The following SVEP1 variants were observed in gnomAD, a reference collection of about 807,000 sequenced individuals.
SVEP1 encodes the protein sushi, von Willebrand factor type A, EGF and pentraxin domain-containing protein 1.
In SVEP1, 164 loss-of-function variants were observed where a neutral mutation model predicts 367.3. That is an observed-to-expected ratio of 0.45 (90% CI 0.39 to 0.51). The LOEUF is 0.51. SVEP1 is among the 20% of genes least tolerant of loss of function. The pLI is 0.00. For missense variants in SVEP1, 4,117 were observed against 4,425.3 expected (o/e 0.93, Z 1.98); for synonymous variants, 1,666 against 1,611.6 (o/e 1.03, Z -0.81).
In SVEP1 at chr9:110,513,121, A is replaced by G; in HGVS notation, c.1124-16T>C. ...CAGTGGACAACTAACATTTACAAAAATAAAATTGAAAAGCAAAGTTAGCCT... is the reference window on the plus strand; with the variant it reads ...CAGTGGACAACTAACATTTACAAAAGTAAAATTGAAAAGCAAAGTTAGCCT... On this transcript the variant is annotated splice_polypyrimidine_tract_variant and intron_variant, in intron 4 of 47. Transcript: ENST00000374469. 1 of 1,587,628 alleles carries G rather than the reference A, an allele frequency of 6.3e-7. No homozygotes were observed. The highest frequency in any genetic ancestry group is 8.6e-7 in the Non-Finnish European group (1 of 1,168,080).
At chr9:110,569,448 C>T (rs1429694000) in intron 1 of SVEP1, among the ~76,000 whole-genome samples, 2 of 116,660 alleles carry the variant, frequency 1.7e-5, no homozygotes, top group South Asian at 2.7e-4. Flanking sequence ...AAGAGTGAAA[C>T]TCAGTCTCAA....
At chr9:110,526,568 T>A (rs1392952487) in intron 3 of SVEP1, among the ~76,000 whole-genome samples, 1 of 152,290 alleles carries the variant, frequency 6.6e-6, no homozygotes, top group East Asian at 1.9e-4. Flanking sequence ...GGATCACTCA[T>A]ACATTTCTGA....
At chr9:110,405,913 T>C (rs961785436) in intron 38 of SVEP1, among the ~76,000 whole-genome samples, 1 of 152,228 alleles carries the variant, frequency 6.6e-6, no homozygotes, top group African/African-American at 2.4e-5. Context: ...TTCACGAAGC[T>C]CAACAGAATA....
Position 110,476,194 on chromosome 9 carries a change from A to G in SVEP1, c.2599+10T>C. Reference sequence around the variant, plus strand: ...TCTTGCCAACTACCGATGCCACAGAATTTAATTACCAATTGCAAAGCCATT... The same window carrying G: ...TCTTGCCAACTACCGATGCCACAGAGTTTAATTACCAATTGCAAAGCCATT... On this transcript the variant is annotated intron_variant, in intron 14 of 47. Transcript: ENST00000374469. The G allele has an allele frequency of 6.4e-7, 1 of 1,574,374 alleles. No individual in the cohort carries two copies. The highest frequency in any genetic ancestry group is 8.7e-7 in the Non-Finnish European group (1 of 1,145,148).
At position 110,546,210 on chromosome 9, in the gene SVEP1, C is replaced by A. The variant is rs748669116; in HGVS notation, c.869G>T (p.Arg290Leu). ...LCDEGKDCCD[R>L]MGSCKCGTHT... ...TGTCCCACATTTGCAGCTTCCCATT[C>A]GGTCACAGCAGTCCTTGCCTTCATC... Residue 290 changes from arginine (R) to leucine (L), a missense_variant, in exon 3 of 48, where the codon CGA (arginine) becomes CTA (leucine). Coordinates refer to ENST00000374469, the MANE Select transcript of SVEP1 (RefSeq NM_153366.4). The A allele has an allele frequency of 6.3e-7, 1 of 1,579,858 alleles. No individual in the cohort carries two copies. The highest frequency in any genetic ancestry group is 8.6e-7 in the Non-Finnish European group (1 of 1,162,180).
At position 110,408,861 on chromosome 9, in the gene SVEP1, C is replaced by T. The variant is rs1286065141; in HGVS notation, c.6739G>A (p.Ala2247Thr). The T allele has an allele frequency of 6.2e-7, 1 of 1,613,612 alleles. No homozygotes were observed. Among genetic ancestry groups the T allele is most frequent in the Non-Finnish European group, 8.5e-7 (1 of 1,179,856 alleles). The change falls in exon 38 of 48, where the codon GCC (alanine) becomes ACC (threonine). Residue 2247 changes from alanine (A) to threonine (T), a missense_variant. By Grantham distance (58) the Ala-to-Thr change is moderately conservative. Transcript: ENST00000374469. ...GATTCACTGTGCCAGTGGCGATTGG[C>T]TTGGCAGACAAATACAGGACTTCCG... ...SVGSPVFVCQANRHWHSESPL... is the reference protein window; with the variant it reads ...SVGSPVFVCQTNRHWHSESPL...
At chr9:110,410,467 T>C (rs181963753) in intron 37 of SVEP1, among the ~76,000 whole-genome samples, 146 of 152,302 alleles carry the variant, frequency 9.6e-4, no homozygotes, top group Non-Finnish European at 3.1e-4. Context: ...ATAATATATT[T>C]CTCTAGGTTC....
At chr9:110,428,429 C>CACACACACACAA (rs60798857) in intron 35 of SVEP1, among the ~76,000 whole-genome samples, 4 of 151,110 alleles carry the variant, frequency 2.6e-5, no homozygotes, top group African/African-American at 9.7e-5. Context: ...CACACACACA[C>CACACACACACAA]CATTAATCTC....
intron 1 of SVEP1, among the ~76,000 whole-genome samples, chr9:110,554,153 C>T (rs889389790): frequency 6.6e-6 from 1 of 151,764 alleles, no homozygotes; most frequent in African/African-American, 2.4e-5. Flanking sequence ...CCACCCGTCT[C>T]GGCTGCTATA....
At chr9:110,514,158 AG>A in intron 3 of SVEP1, 52 bp from the exon 4 acceptor site, 1 of 1,573,880 alleles carries the variant, frequency 6.4e-7, no homozygotes, top group Non-Finnish European at 8.6e-7. Context: ...ATCAGCTGGT[AG>A]TTAACAAAAC....
chr9:110,392,859 T>C (rs988849327), intron 40 of SVEP1, among the ~76,000 whole-genome samples: 2 of 152,208 alleles, frequency 1.3e-5, no homozygotes, highest in African/African-American at 4.8e-5. Context: ...GGGAGCCTTG[T>C]CCAGTGGCTT....
At position 110,445,878 on chromosome 9, in the gene SVEP1, A is replaced by G; in HGVS notation, c.4422T>C (p.Asp1474=). 6.2e-7 allele frequency: 1 copy of G among 1,613,964 alleles called. No individual in the cohort carries two copies. The highest frequency in any genetic ancestry group is 8.5e-7 in the Non-Finnish European group (1 of 1,179,854). ...GGAGCAAGGTATTGTCGCTGCCGTT[A>G]TCAACTGCATAGGAGATTGGTGTTC... The part of the protein sequence containing the change: ...NYGTPISYAV[D]NGSDNTLLLT... The change falls in exon 26 of 48, where the codon GAT becomes GAC. Residue 1474 remains aspartate (D), a synonymous_variant. Transcript: ENST00000374469.
chr9:110,472,109 C>A, intron 15 of SVEP1, 50 bp downstream of exon 15: 2 of 1,549,740 alleles, frequency 1.3e-6, no homozygotes, highest in Middle Eastern at 1.8e-4. Flanking sequence ...AGGTTTCCAA[C>A]CAAGAATTTT....
At chr9:110,374,963 T>TC (rs1326575122) in intron 46 of SVEP1, among the ~76,000 whole-genome samples, 2 of 151,736 alleles carry the variant, frequency 1.3e-5, no homozygotes, top group African/African-American at 4.8e-5. Context: ...TAAAGTGTTT[T>TC]TTTTTTCATT....
At chr9:110,474,243 G>T (rs1204325939) in intron 14 of SVEP1, among the ~76,000 whole-genome samples, 1 of 152,044 alleles carries the variant, frequency 6.6e-6, no homozygotes, top group East Asian at 1.9e-4. Context: ...CAGGTGATCT[G>T]CCCACCTCAG....
chr9:110,513,561 G>C (rs1346686276), intron 4 of SVEP1, among the ~76,000 whole-genome samples: 1 of 152,092 alleles, frequency 6.6e-6, no homozygotes, highest in Non-Finnish European at 1.5e-5. Context: ...ATAATACTGA[G>C]ACCCTTTACT....
chr9:110,381,739 A>C (rs1827440705), intron 43 of SVEP1, among the ~76,000 whole-genome samples: 1 of 152,106 alleles, frequency 6.6e-6, no homozygotes, highest in South Asian at 2.1e-4. Flanking sequence ...CAAGTCCTGA[A>C]TATCCTTGTT....
At chr9:110,401,597 G>A (rs10980372) in intron 39 of SVEP1, among the ~76,000 whole-genome samples, 28,909 of 149,900 alleles carry the variant, frequency 0.19, 2,934 homozygotes, top group Middle Eastern at 0.33. Flanking sequence ...ATTTTATAAA[G>A]AAATCCTCAA....
intron 14 of SVEP1, among the ~76,000 whole-genome samples, chr9:110,472,711 T>C (rs2118674939): frequency 6.6e-6 from 1 of 152,338 alleles, no homozygotes; most frequent in East Asian, 1.9e-4. Flanking sequence ...TTTTCTTTTT[T>C]TAAAATTGAC....
Sources: gnomAD v4.1 joint callset for allele counts (sites outside exome capture counted in the v4.1 genomes callset) on GRCh38, gnomAD v4.1.1 for gene constraint, MANE v1.5 for transcripts, NCBI Gene and HGNC (gene_info 2026-07-23, HGNC 2026-07-21) for gene names.